The following DAPK2 variants were observed in gnomAD, a reference collection of about 807,000 sequenced individuals.
The protein encoded by DAPK2 is death associated protein kinase 2, also known as death-associated protein kinase 2.
In DAPK2, 35 loss-of-function variants were observed where a neutral mutation model predicts 44.1. That is an observed-to-expected ratio of 0.79 (90% CI 0.61 to 1.05). The LOEUF (loss-of-function observed/expected upper bound fraction) is 1.05. Ranked by LOEUF, DAPK2 falls within the 50% of genes least tolerant of loss-of-function variation. DAPK2 has a pLI of 0.00. For synonymous variants in DAPK2, 174 were observed against 182.6 expected, an observed-to-expected ratio of 0.95 and a Z score of 0.38; for missense variants, 453 against 483.2, an observed-to-expected ratio of 0.94 and a Z score of 0.59.
upstream of DAPK2, among the ~76,000 whole-genome samples, chr15:64,044,315 T>TA (rs1393580077): frequency 6.6e-6 from 1 of 152,226 alleles, no homozygotes; most frequent in Non-Finnish European, 1.5e-5. Context: ...TTCAGGGGGC[T>TA]ACCACAGATT....
intron 3 of DAPK2, among the ~76,000 whole-genome samples, chr15:63,940,804 T>C (rs763797050): frequency 5.1e-4 from 78 of 152,138 alleles, no homozygotes; most frequent in Non-Finnish European, 9.9e-4. Context: ...CTTGAAAACA[T>C]TTATGCTAAG....
intron 3 of DAPK2, among the ~76,000 whole-genome samples, chr15:63,964,565 A>T (rs2077999083): frequency 6.6e-6 from 1 of 151,902 alleles, no homozygotes; most frequent in Non-Finnish European, 1.5e-5. Context: ...CTACCTCCTC[A>T]TTGGGGCCAA....
At chr15:63,953,484 G>T (rs1053949771) in intron 3 of DAPK2, among the ~76,000 whole-genome samples, 1 of 152,022 alleles carries the variant, frequency 6.6e-6, no homozygotes, top group Non-Finnish European at 1.5e-5. Flanking sequence ...GTACTTATTT[G>T]TGTATATTTA....
chr15:64,040,783 C>G (rs944997282), upstream of DAPK2, among the ~76,000 whole-genome samples: 3 of 150,324 alleles, frequency 2.0e-5, no homozygotes, highest in African/African-American at 7.3e-5. Context: ...CGGTGGCATG[C>G]ATCTGTAATC....
intron 2 of DAPK2, among the ~76,000 whole-genome samples, chr15:63,973,387 C>T (rs893089709): frequency 7.2e-5 from 11 of 152,204 alleles, no homozygotes; most frequent in Non-Finnish European, 1.6e-4. Flanking sequence ...ATTCCACCCC[C>T]ATGGGCCTGG....
At chr15:64,002,999 T>TGTGG (rs2079135374) in intron 1 of DAPK2, among the ~76,000 whole-genome samples, 1 of 149,928 alleles carries the variant, frequency 6.7e-6, no homozygotes. Context: ...TGTGTGTGTG[T>TGTGG]GTGTGTGTGT....
chr15:63,937,847 G>A (rs16947595), intron 4 of DAPK2, among the ~76,000 whole-genome samples: 2,420 of 152,256 alleles, frequency 0.016, 67 homozygotes, highest in African/African-American at 0.056. Context: ...TGTGAATGGT[G>A]GGTAGCAACT....
In DAPK2 at chr15:64,008,505, C is replaced by T. The variant is rs541553728; in HGVS notation, c.93-24751G>A. Among the ~76,000 whole-genome samples the T allele has an allele frequency of 2.1e-3, 324 of 152,304 alleles. No homozygotes were observed. The Middle Eastern group carries it at 0.031, about 14-fold the overall frequency. On this transcript the variant is annotated intron_variant, in intron 1 of 10. Coordinates refer to ENST00000261891, the Ensembl canonical transcript of DAPK2. Reference sequence around the variant, plus strand: ...TCTAGAGAGACTTCAAATGAAAGAACATAGTTTCATAGACAAGAAAAAGCT... The same window carrying T: ...TCTAGAGAGACTTCAAATGAAAGAATATAGTTTCATAGACAAGAAAAAGCT...
intron 8 of DAPK2, 116 bp downstream of exon 9, chr15:63,924,700 G>A: frequency 2.6e-6 from 3 of 1,133,770 alleles, no homozygotes; most frequent in Non-Finnish European, 3.9e-6. Flanking sequence ...CTGTGCCCAG[G>A]GTCAGTGTTT....
intron 3 of DAPK2, among the ~76,000 whole-genome samples, chr15:63,957,097 C>T (rs1481482320): frequency 6.6e-6 from 1 of 152,198 alleles, no homozygotes; most frequent in Non-Finnish European, 1.5e-5. Flanking sequence ...AAAGCAAGGT[C>T]CTCCAATGTT....
intron 7 of DAPK2, 89 bp from the exon 9 acceptor site, chr15:63,924,950 T>G (rs1312313530): frequency 3.6e-6 from 5 of 1,378,620 alleles, no homozygotes; most frequent in Non-Finnish European, 5.0e-6. Flanking sequence ...AGACCTATAT[T>G]TTGGCATTAT....
At chr15:63,994,744 C>A (rs559213254) in intron 1 of DAPK2, among the ~76,000 whole-genome samples, 1 of 152,128 alleles carries the variant, frequency 6.6e-6, no homozygotes, top group African/African-American at 2.4e-5. Flanking sequence ...CATCCGCCAC[C>A]ATGCCTGGCT....
At chr15:64,017,702 G>C (rs906109837) in intron 1 of DAPK2, among the ~76,000 whole-genome samples, 4 of 152,222 alleles carry the variant, frequency 2.6e-5, no homozygotes, top group African/African-American at 9.7e-5. Flanking sequence ...TGCCTAACTA[G>C]AAATGTAGCC....
chr15:64,004,368 C>T (rs917882112), intron 1 of DAPK2, among the ~76,000 whole-genome samples: 6 of 152,172 alleles, frequency 3.9e-5, no homozygotes, highest in African/African-American at 7.2e-5. Context: ...AGGCGCCTAA[C>T]GTTGGCTATC....
At chr15:63,941,731 G>T (rs750182752) in intron 3 of DAPK2, among the ~76,000 whole-genome samples, 7 of 151,714 alleles carry the variant, frequency 4.6e-5, no homozygotes, top group Non-Finnish European at 8.8e-5. Flanking sequence ...TTGAAAATGT[G>T]TCCAAGTCTC....
intron 1 of DAPK2, among the ~76,000 whole-genome samples, chr15:63,986,979 C>G (rs2078684511): frequency 6.6e-6 from 1 of 152,158 alleles, no homozygotes; most frequent in South Asian, 2.1e-4. Flanking sequence ...CTGATCATTT[C>G]AGGAAAGGAG....
At position 64,038,600 on chromosome 15, in the gene DAPK2, C is replaced by T. The variant is rs151122776; in HGVS notation, c.92+1570G>A. Among the ~76,000 whole-genome samples, 622 of 152,284 alleles carry T rather than the reference C, an allele frequency of 4.1e-3. 6 individuals carry two copies. The highest frequency in any genetic ancestry group is 0.012 in the South Asian group (57 of 4,826). On this transcript the variant is annotated intron_variant, in intron 1 of 10. Coordinates refer to ENST00000261891, the Ensembl canonical transcript of DAPK2. ...ACCATCCAGTCAGCCAGGACTAACT[C>T]CCTGATCTTGAAGCACCTGCTGCCT...
chr15:63,981,077 G>A (rs536054634), intron 2 of DAPK2, among the ~76,000 whole-genome samples: 97 of 113,724 alleles, frequency 8.5e-4, no homozygotes, highest in African/African-American at 2.8e-3. Context: ...ACGACAGAGC[G>A]AGACTCCATC....
chr15:64,038,524 G>C (rs1453502277), intron 1 of DAPK2, among the ~76,000 whole-genome samples: 1 of 152,146 alleles, frequency 6.6e-6, no homozygotes, highest in Non-Finnish European at 1.5e-5. Flanking sequence ...GCCCAAGACT[G>C]GGAAAAGTCA....
Sources: allele counts gnomAD v4.1 joint callset (sites outside exome capture counted in the v4.1 genomes callset), GRCh38; gene constraint gnomAD v4.1.1; transcripts MANE v1.5; gene names NCBI Gene and HGNC (gene_info 2026-07-23, HGNC 2026-07-21).